Variants in TPST2 observed in about 807,000 individuals in gnomAD.
TPST2 encodes the protein tyrosylprotein sulfotransferase 2, also known as protein-tyrosine sulfotransferase 2.
In TPST2, 16 loss-of-function variants were observed where a neutral mutation model predicts 27.8. The ratio of observed to expected loss-of-function variants is 0.58; its 90% CI spans 0.39 to 0.88. TPST2 has a LOEUF of 0.88. TPST2 is among the 40% of genes least tolerant of loss of function. The pLI is 0.00. For synonymous variants in TPST2, 229 were observed against 231.7 expected (o/e 0.99, Z 0.10); for missense variants, 464 against 543.1 (o/e 0.85, Z 1.45).
At chr22:26,567,467 CA>C (rs1390924429) in intron 1 of TPST2, among the ~76,000 whole-genome samples, 42 of 152,290 alleles carry the variant, frequency 2.8e-4, no homozygotes, top group African/African-American at 1.0e-3. Context: ...CTCATCCCAG[CA>C]AAAGATGCTA....
At chr22:26,556,465 G>C (rs1926797652) in intron 1 of TPST2, among the ~76,000 whole-genome samples, 1 of 152,144 alleles carries the variant, frequency 6.6e-6, no homozygotes, top group Admixed American at 6.5e-5. Context: ...ACTTGAATCT[G>C]GGAGGCAGAG....
chr22:26,550,545 G>T, intron 1 of TPST2: 1 of 978,946 alleles, frequency 1.0e-6, no homozygotes, highest in Non-Finnish European at 1.2e-6. Context: ...GACAACAGCG[G>T]GGAGCTGGCA....
intron 1 of TPST2, chr22:26,561,183 T>C (rs1030529180): frequency 6.0e-5 from 94 of 1,575,006 alleles, no homozygotes; most frequent in Non-Finnish European, 6.2e-5. Flanking sequence ...CGCAGTTTTT[T>C]TTTTCTTGTC....
At chr22:26,575,552 C>A (rs1217102473) in intron 1 of TPST2, among the ~76,000 whole-genome samples, 3 of 152,204 alleles carry the variant, frequency 2.0e-5, no homozygotes, top group Admixed American at 2.0e-4. Context: ...TCTCCCAGGG[C>A]AGGAACAGGG....
intron 6 of TPST2, among the ~76,000 whole-genome samples, chr22:26,526,991 T>C (rs1483855687): frequency 3.3e-5 from 5 of 151,926 alleles, no homozygotes; most frequent in Non-Finnish European, 7.4e-5. Flanking sequence ...GGCACGAGAG[T>C]CACTTGAACC....
chr22:26,554,531 G>A (rs1211785765), intron 1 of TPST2, among the ~76,000 whole-genome samples: 3 of 152,212 alleles, frequency 2.0e-5, no homozygotes, highest in Non-Finnish European at 4.4e-5. Flanking sequence ...CTCCACACCT[G>A]GCTGATTCCT....
intron 1 of TPST2, among the ~76,000 whole-genome samples, chr22:26,554,042 AG>A (rs1926642122): frequency 6.6e-6 from 1 of 152,288 alleles, no homozygotes; most frequent in East Asian, 1.9e-4. Flanking sequence ...CTTGGAGGGT[AG>A]GCACTATTAT....
At chr22:26,562,106 A>G (rs1927131913) in intron 1 of TPST2, among the ~76,000 whole-genome samples, 5 of 152,248 alleles carry the variant, frequency 3.3e-5, no homozygotes, top group Admixed American at 3.3e-4. Context: ...ACAGATACAA[A>G]GACCAGGAGG....
chr22:26,570,704 C>T (rs79036682), intron 1 of TPST2, among the ~76,000 whole-genome samples: 3,009 of 149,932 alleles, frequency 0.02, 118 homozygotes, highest in African/African-American at 0.072. Flanking sequence ...GGGTGTTGAG[C>T]CTGGTCCTTT....
intron 1 of TPST2, among the ~76,000 whole-genome samples, chr22:26,587,533 G>T (rs762030518): frequency 2.0e-5 from 3 of 152,082 alleles, no homozygotes; most frequent in Non-Finnish European, 4.4e-5. Context: ...TAGAGACGGG[G>T]TTTCACCATA....
intron 1 of TPST2, among the ~76,000 whole-genome samples, chr22:26,547,843 G>A (rs904755474): frequency 5.3e-5 from 8 of 152,180 alleles, no homozygotes; most frequent in Non-Finnish European, 8.8e-5. Context: ...ATTGCTACCA[G>A]GGGTGGTACT....
At chr22:26,577,556 A>G (rs186293009) in intron 1 of TPST2, among the ~76,000 whole-genome samples, 6 of 150,598 alleles carry the variant, frequency 4.0e-5, no homozygotes, top group South Asian at 4.2e-4. Flanking sequence ...TCACCGTGTT[A>G]GCCAGGATGG....
At chr22:26,546,306 C>T (rs1052967204) in intron 1 of TPST2, among the ~76,000 whole-genome samples, 7 of 152,222 alleles carry the variant, frequency 4.6e-5, no homozygotes, top group African/African-American at 1.7e-4. Context: ...GACCCCCCCA[C>T]AGCAGGCCAC....
chr22:26,564,473 G>A lies in TPST2; in HGVS notation c.-160-19798C>T, dbSNP rs536836943. Among the ~76,000 whole-genome samples, 14 of 152,296 alleles carry A rather than the reference G, an allele frequency of 9.2e-5. No homozygotes were observed. In the South Asian group the frequency reaches 1.2e-3, roughly 14 times the overall value. ...CCCGTCATGAATAACAGGTAACGCC[G>A]GAGGGCCGAGCAGAGGAGGGAAAGT... On this transcript the variant is annotated intron_variant, in intron 1 of 6. Coordinates refer to ENST00000338754, the MANE Select transcript of TPST2 (RefSeq NM_003595.5).
intron 1 of TPST2, among the ~76,000 whole-genome samples, chr22:26,562,494 C>T (rs1316759185): frequency 6.6e-6 from 1 of 152,202 alleles, no homozygotes; most frequent in African/African-American, 2.4e-5. Flanking sequence ...ATATTACAAA[C>T]TGGAGGGAGA....
At chr22:26,560,494 G>A (rs558414080) in intron 1 of TPST2, 30 of 796,202 alleles carry the variant, frequency 3.8e-5, no homozygotes, top group African/African-American at 8.4e-5. Flanking sequence ...GGCACTGGGC[G>A]ACTGTGCCTC....
At chr22:26,564,591 A>C (rs1927292711) in intron 1 of TPST2, among the ~76,000 whole-genome samples, 1 of 152,144 alleles carries the variant, frequency 6.6e-6, no homozygotes, top group South Asian at 2.1e-4. Context: ...ATGGGCTCCT[A>C]CCACTCACTG....
chr22:26,586,052 A>G (rs1469223915), intron 1 of TPST2, among the ~76,000 whole-genome samples: 3 of 151,942 alleles, frequency 2.0e-5, no homozygotes, highest in Non-Finnish European at 4.4e-5. Context: ...CAAAAATAAT[A>G]ATAATAATAA....
At chr22:26,553,057 T>A (rs1387384933) in intron 1 of TPST2, among the ~76,000 whole-genome samples, 3 of 83,970 alleles carry the variant, frequency 3.6e-5, no homozygotes, top group African/African-American at 1.4e-4. Flanking sequence ...CGAAACTCCA[T>A]CTCAAAAAAA....
Sources: allele counts gnomAD v4.1 joint callset (sites outside exome capture counted in the v4.1 genomes callset), GRCh38; gene constraint gnomAD v4.1.1; transcripts MANE v1.5; gene names NCBI Gene and HGNC (gene_info 2026-07-23, HGNC 2026-07-21).